The following LPIN1 variants were observed in gnomAD, a reference collection of about 807,000 sequenced individuals.
LPIN1 encodes the protein lipin 1.
A neutral mutation model predicts 107.5 loss-of-function variants in LPIN1; 71 were observed. The ratio of observed to expected loss-of-function variants is 0.66; its 90% CI spans 0.55 to 0.80. The LOEUF is 0.80. Among genes scored for constraint, LPIN1 ranks in the 30% least tolerant of loss-of-function variants. The pLI, the probability that LPIN1 is intolerant of heterozygous loss-of-function variation, is 0.00. For synonymous variants in LPIN1, 445 were observed against 452.6 expected, an observed-to-expected ratio of 0.98 and a Z score of 0.21; for missense variants, 1,043 against 1,160.6, an observed-to-expected ratio of 0.90 and a Z score of 1.47.
chr2:11,804,941 T>C, intron 16 of LPIN1, 129 bp from the exon 17 acceptor site: 1 of 707,432 alleles, frequency 1.4e-6, no homozygotes, highest in Non-Finnish European at 2.5e-6. Flanking sequence ...ACTTGAGCCT[T>C]GGGCTTTCTA....
intron 1 of LPIN1, among the ~76,000 whole-genome samples, chr2:11,738,875 C>G (rs185117351): frequency 1.1e-4 from 17 of 152,322 alleles, no homozygotes; most frequent in African/African-American, 3.8e-4. Flanking sequence ...GAGGAAACCA[C>G]CAAGGAAGGA....
chr2:11,737,356 A>G (rs1486391693), intron 1 of LPIN1, among the ~76,000 whole-genome samples: 1 of 152,230 alleles, frequency 6.6e-6, no homozygotes. Context: ...ACCAAAAGCA[A>G]TGGCAACAAA....
chr2:11,814,405 T>G (rs1180984838), intron 17 of LPIN1, among the ~76,000 whole-genome samples: 2 of 152,036 alleles, frequency 1.3e-5, no homozygotes, highest in African/African-American at 4.8e-5. Context: ...AGTGAAGAAG[T>G]GGACTCAATG....
intron 1 of LPIN1, among the ~76,000 whole-genome samples, chr2:11,734,467 T>G (rs1229013092): frequency 6.6e-6 from 1 of 152,244 alleles, no homozygotes; most frequent in African/African-American, 2.4e-5. Flanking sequence ...TAAGAGCACT[T>G]GACGGCACCC....
chr2:11,682,166 T>A (rs1439935874), intron 1 of LPIN1: 1 of 152,416 alleles, frequency 6.6e-6, no homozygotes, highest in East Asian at 1.9e-4. Flanking sequence ...CTCAGCGTCC[T>A]GGGCTTGCCC....
intron 18 of LPIN1, chr2:11,816,378 T>C (rs541281515): frequency 3.9e-5 from 6 of 152,210 alleles, no homozygotes; most frequent in Non-Finnish European, 8.8e-5. Flanking sequence ...ATGCTGACAA[T>C]TTGCAACAAG....
chr2:11,738,910 A>T (rs1045942315), intron 1 of LPIN1, among the ~76,000 whole-genome samples: 1 of 152,238 alleles, frequency 6.6e-6, no homozygotes, highest in Admixed American at 6.5e-5. Flanking sequence ...CGATCTCCAG[A>T]AATCACTCAG....
At chr2:11,821,279 G>A (rs1215000006) in intron 20 of LPIN1, among the ~76,000 whole-genome samples, 4 of 152,176 alleles carry the variant, frequency 2.6e-5, no homozygotes, top group African/African-American at 9.7e-5. Context: ...CACTTTGGGA[G>A]GCTGAGGTGG....
In LPIN1 at chr2:11,824,850, T is replaced by C; in HGVS notation, c.*59T>C. On this transcript the variant is annotated 3_prime_UTR_variant, in exon 21 of 21. Transcript: ENST00000674199. ...AGCCTGGTTGTCACCCATTAAAGGATAGGTCTCCCCGGAGTGCACAGCTCC... is the reference window on the plus strand; with the variant it reads ...AGCCTGGTTGTCACCCATTAAAGGACAGGTCTCCCCGGAGTGCACAGCTCC... 6.2e-7 allele frequency: 1 copy of C among 1,600,230 alleles called. No individual in the cohort carries two copies. Among genetic ancestry groups the C allele is most frequent in the Non-Finnish European group, 8.6e-7 (1 of 1,168,858 alleles).
intron 1 of LPIN1, among the ~76,000 whole-genome samples, chr2:11,736,812 T>C (rs1665835322): frequency 6.6e-6 from 1 of 152,220 alleles, no homozygotes; most frequent in East Asian, 1.9e-4. Context: ...GCCCTCTCCA[T>C]AAGCCAGCAG....
chr2:11,678,208 C>T (rs574620369), intron 1 of LPIN1, among the ~76,000 whole-genome samples: 2 of 152,296 alleles, frequency 1.3e-5, no homozygotes, highest in Middle Eastern at 3.4e-3. Context: ...TTCTGTGGAC[C>T]CCAAAGCCAG....
At chr2:11,787,218 TTCA>T (rs773241493) in intron 11 of LPIN1, 51 bp downstream of exon 11, 12 of 1,223,892 alleles carry the variant, frequency 9.8e-6, no homozygotes, top group Non-Finnish European at 1.3e-5. Context: ...CTGTTTCTGT[TTCA>T]TGTTTTCAAA....
chr2:11,690,860 T>C (rs997019528), intron 1 of LPIN1, among the ~76,000 whole-genome samples: 1 of 152,192 alleles, frequency 6.6e-6, no homozygotes, highest in African/African-American at 2.4e-5. Flanking sequence ...ATAATTTCTC[T>C]TTTTAATGGA....
At chr2:11,792,745 T>C (rs1675994876) in intron 13 of LPIN1, among the ~76,000 whole-genome samples, 1 of 152,190 alleles carries the variant, frequency 6.6e-6, no homozygotes, top group Admixed American at 6.5e-5. Context: ...GTCCTTTCAC[T>C]GAAATGGCAT....
chr2:11,681,800 A>C (rs1421641846), intron 1 of LPIN1, among the ~76,000 whole-genome samples: 1 of 152,124 alleles, frequency 6.6e-6, no homozygotes, highest in African/African-American at 2.4e-5. Flanking sequence ...CCATCTACTC[A>C]GAGCTTTTGT....
intron 1 of LPIN1, among the ~76,000 whole-genome samples, chr2:11,761,393 C>CAGAT (rs1235539870): frequency 6.6e-6 from 1 of 152,130 alleles, no homozygotes; most frequent in East Asian, 1.9e-4. Context: ...ATTAGCAGGA[C>CAGAT]AGATCAAGGG....
chr2:11,756,409 G>T (rs1203826199), intron 1 of LPIN1, among the ~76,000 whole-genome samples: 2 of 152,018 alleles, frequency 1.3e-5, no homozygotes, highest in African/African-American at 2.4e-5. Context: ...ATTTTTTTGA[G>T]ATGGAGTCTC....
intron 17 of LPIN1, 91 bp from the exon 18 acceptor site, chr2:11,814,997 T>C (rs896154083): frequency 5.6e-6 from 7 of 1,251,350 alleles, no homozygotes; most frequent in Admixed American, 1.8e-5. Flanking sequence ...ACAGTGCCAT[T>C]CTCCACAGAA....
chr2:11,811,837 T>G (rs969660853), intron 17 of LPIN1, among the ~76,000 whole-genome samples: 1 of 151,994 alleles, frequency 6.6e-6, no homozygotes, highest in African/African-American at 2.4e-5. Flanking sequence ...ATACAAAAAT[T>G]AGCTGGGCGT....
Sources: allele counts gnomAD v4.1 joint callset (sites outside exome capture counted in the v4.1 genomes callset), GRCh38; gene constraint gnomAD v4.1.1; transcripts MANE v1.5; gene names NCBI Gene and HGNC (gene_info 2026-07-23, HGNC 2026-07-21).